SON: variants seen among roughly 807,000 people sequenced by gnomAD.
The protein encoded by SON is SON DNA and RNA binding protein.
Under a neutral mutation model 173.3 loss-of-function variants are expected in SON, and 4 were observed. The observed-to-expected ratio is 0.02, with a 90% CI of 0.01 to 0.05. The LOEUF is 0.05. Among genes scored for constraint, SON ranks in the 10% least tolerant of loss-of-function variants. The pLI is 1.00. For missense variants in SON, 2,626 were observed against 3,055.3 expected (o/e 0.86, Z 3.31); for synonymous variants, 1,190 against 1,105.9 (o/e 1.08, Z -1.51).
At position 33,553,181 on chromosome 21, in the gene SON, C is replaced by T. The variant is rs1430051459; in HGVS notation, c.3950C>T (p.Ala1317Val). The change falls in exon 3 of 12, where the codon GCC (alanine) becomes GTC (valine). Residue 1317 changes from alanine to valine, a missense_variant. By Grantham distance (64) the Ala-to-Val change is moderately conservative (BLOSUM62 0). This residue lies in a region of SON where 1,006 missense variants were observed against 895.6 expected (regional missense o/e 1.12). Coordinates refer to ENST00000356577, the MANE Select transcript of SON (RefSeq NM_138927.4). ...ETAETFDSMR[A>V]SGHVASEVST... ...GCAGAAACATTTGATTCCATGAGAG[C>T]CTCAGGACATGTTGCCTCAGAAGTA... The T allele has an allele frequency of 4.3e-6, 7 of 1,614,026 alleles. No individual in the cohort carries two copies. The highest frequency in any genetic ancestry group is 1.7e-5 in the Admixed American group (1 of 59,998).
Position 33,554,110 on chromosome 21 carries a change from G to A in SON, c.4879G>A (p.Asp1627Asn). The A allele has an allele frequency of 6.2e-7, 1 of 1,613,116 alleles. No homozygotes were observed. Among genetic ancestry groups the A allele is most frequent in the African/African-American group, 1.3e-5 (1 of 75,018 alleles). Residue 1627 changes from aspartate (D) to asparagine (N), a missense_variant, in exon 3 of 12, where the codon GAT becomes AAT. Physicochemically the swap from Asp to Asn is conservative, Grantham distance 23. Transcript: ENST00000356577. ...TACTCTCAGTTTAGTTAATAAATAT[G>A]ATGTTGATTTATCTTTAACTACTCA... ...ASTLSLVNKY[D>N]VDLSLTTQDT...
intron 4 of SON, chr21:33,558,667 C>G (rs2086012331): frequency 6.6e-6 from 1 of 152,114 alleles, no homozygotes; most frequent in Admixed American, 6.6e-5. Context: ...TTCTTCTCAC[C>G]TTTTTACCAC....
chr21:33,554,949 A>G lies in SON; in HGVS notation c.5718A>G (p.Arg1906=), dbSNP rs771447550. ...GATCCAAGTCTAGGGAAAGAAAAAG[A>G]AAAAGATCAAGCTCCAGGGATAACC... ...KHRSKSRERK[R]KRSSSRDNRK... Residue 1906 remains arginine (R), a synonymous_variant, in exon 3 of 12, where the codon AGA becomes AGG. Transcript: ENST00000356577. 1.2e-6 allele frequency: 2 copies of G among 1,614,084 alleles called. No homozygotes were observed. Among genetic ancestry groups the G allele is most frequent in the Admixed American group, 1.7e-5 (1 of 60,010 alleles).
Position 33,575,410 on chromosome 21 carries a change from A to G in SON, c.7034-186A>G, listed in dbSNP as rs181014973. ...TCATACCAAGATCTATGAATATTAA[A>G]TATAAATTTATATGCTGAAAAACAG... On this transcript the variant is annotated intron_variant, in intron 9 of 11. Transcript: ENST00000356577. The G allele has an allele frequency of 3.6e-4, 168 of 472,520 alleles. No homozygotes were observed. The Admixed American group carries it at 5.9e-3, about 17-fold the overall frequency. 29.3% of individuals were successfully genotyped at this position (472,520 alleles called of 1,614,324 possible). A position where few individuals can be genotyped will look rare whatever the true frequency, so the allele number is the denominator to read the frequency against.
At chr21:33,556,727 AAG>A (rs1387394177) in intron 3 of SON, among the ~76,000 whole-genome samples, 3 of 151,576 alleles carry the variant, frequency 2.0e-5, no homozygotes, top group East Asian at 1.9e-4. Flanking sequence ...AAAAAAAAAA[AAG>A]AGGTGGCACT....
Position 33,550,251 on chromosome 21 carries a change from A to G in SON, c.1020A>G (p.Pro340=). ...CTGCAATTGAAGCGCTAAGATTGCC[A>G]GAGCAGCCTGTAGACGTACCATCGG... is the stretch of plus-strand genomic sequence containing the variant. The part of the protein sequence containing the change: ...ESSAIEALRL[P]EQPVDVPSEI... Residue 340 remains proline (P), a synonymous_variant, in exon 3 of 12, where the codon CCA becomes CCG. Transcript: ENST00000356577. The G allele has an allele frequency of 1.2e-6, 2 of 1,614,294 alleles. No individual in the cohort carries two copies. Among genetic ancestry groups the G allele is most frequent in the Non-Finnish European group, 1.7e-6 (2 of 1,180,056 alleles).
intron 8 of SON, among the ~76,000 whole-genome samples, chr21:33,571,529 A>T (rs2086285289): frequency 6.6e-6 from 1 of 152,218 alleles, no homozygotes; most frequent in South Asian, 2.1e-4. Flanking sequence ...AATCAGTAAA[A>T]CATTTAAAGT....
intron 7 of SON, 118 bp downstream of exon 7, chr21:33,567,385 TTTACC>T (rs754964339): frequency 1.9e-5 from 12 of 643,522 alleles, no homozygotes; most frequent in Non-Finnish European, 2.9e-5. Context: ...TGTAACATCC[TTTACC>T]TTATTTTCAA....
chr21:33,569,961 G>GA (rs2086249055), intron 8 of SON: 1 of 162,068 alleles, frequency 6.2e-6, no homozygotes, highest in South Asian at 1.4e-4. Context: ...ATTCTGCAGT[G>GA]AGACCTGTGA....
At chr21:33,569,585 C>G (rs916157918) in intron 8 of SON, 1 of 463,088 alleles carries the variant, frequency 2.2e-6, no homozygotes, top group Non-Finnish European at 4.5e-6. Context: ...GTGCCTGTGC[C>G]TTCTTGTAAG....
rs777141047 is a variant in SON at position 33,550,889 on chromosome 21, T to C, written c.1658T>C (p.Val553Ala). ...GTGCTGGAGTTGCCAGGACAGCCAGTGGCAACGACAGCGCTGGAGTTGCCG... is the reference window on the plus strand; with the variant it reads ...GTGCTGGAGTTGCCAGGACAGCCAGCGGCAACGACAGCGCTGGAGTTGCCG... ...TMVLELPGQP[V>A]ATTALELPGQ... Residue 553 changes from valine to alanine, a missense_variant, in exon 3 of 12, where the codon GTG becomes GCG. Coordinates refer to ENST00000356577, the MANE Select transcript of SON (RefSeq NM_138927.4). The C allele has an allele frequency of 8.1e-6, 13 of 1,609,828 alleles. No homozygotes were observed. Among genetic ancestry groups the C allele is most frequent in the Non-Finnish European group, 1.1e-5 (13 of 1,177,272 alleles).
chr21:33,543,431 C>T (rs999197936), intron 1 of SON: 11 of 515,986 alleles, frequency 2.1e-5, no homozygotes, highest in African/African-American at 1.7e-4. Context: ...ACCCTTCTCC[C>T]CTGTTTGGGT....
At chr21:33,574,529 G>A (rs1470435153) in intron 9 of SON, among the ~76,000 whole-genome samples, 1 of 152,178 alleles carries the variant, frequency 6.6e-6, no homozygotes, top group Admixed American at 6.5e-5. Context: ...GTAACATACA[G>A]GATGAGCATC....
At position 33,550,230 on chromosome 21, in the gene SON, A is replaced by G. The variant is rs974301244; in HGVS notation, c.999A>G (p.Ala333=). 9 of 1,614,134 alleles carry G rather than the reference A, an allele frequency of 5.6e-6. No homozygotes were observed. In the African/African-American group the frequency reaches 9.3e-5, roughly 17 times the overall value. ...STTMDFPESS[A]IEALRLPEQP... is the part of the protein sequence containing the mutation. ...CAATGGATTTTCCAGAGTCATCTGCAATTGAAGCGCTAAGATTGCCAGAGC... is the reference window on the plus strand; with the variant it reads ...CAATGGATTTTCCAGAGTCATCTGCGATTGAAGCGCTAAGATTGCCAGAGC... Residue 333 remains alanine (A), a synonymous_variant, in exon 3 of 12, where the codon GCA becomes GCG. Transcript: ENST00000356577.
chr21:33,575,396 TC>T (rs1232967314), intron 9 of SON, 199 bp from the exon 10 acceptor site: 1 of 459,704 alleles, frequency 2.2e-6, no homozygotes, highest in African/African-American at 2.0e-5. Context: ...CATACCAAGA[TC>T]TATGAATATT....
chr21:33,567,401 T>C (rs1445214459), intron 7 of SON, 134 bp downstream of exon 7: 3 of 618,328 alleles, frequency 4.9e-6, no homozygotes, highest in African/African-American at 1.8e-5. Context: ...TTATTTTCAA[T>C]GTCTTATTTT....
At position 33,559,553 on chromosome 21, in the gene SON, T is replaced by TTGAG. The variant is rs1264585024; in HGVS notation, c.6469-33_6469-30dup. ...CAAACCATTTAATGTAGATATCATA[T>TTGAG]TGAGCTTTAATTAAGAAACACTTTA... On this transcript the variant is annotated intron_variant, in intron 5 of 11. Transcript: ENST00000356577. The surrounding 1 kb of genome is among the most constrained non-coding windows in gnomAD (Gnocchi z 4.1). 25 of 1,577,730 alleles carry TTGAG rather than the reference T, an allele frequency of 1.6e-5. No individual in the cohort carries two copies. The highest frequency in any genetic ancestry group is 1.5e-4 in the Admixed American group (8 of 53,932).
chr21:33,574,427 G>A (rs1203236500), intron 9 of SON, among the ~76,000 whole-genome samples: 3 of 152,172 alleles, frequency 2.0e-5, no homozygotes, highest in Admixed American at 6.5e-5. Context: ...TGGCCTGACT[G>A]TAAGCTCTCA....
intron 6 of SON, chr21:33,560,173 C>T (rs2086044946): frequency 5.1e-6 from 8 of 1,579,524 alleles, no homozygotes; most frequent in Non-Finnish European, 6.0e-6. Context: ...AGGGCAGATC[C>T]TCAGGTTCAA....
Sources: gnomAD v4.1 joint callset for allele counts (sites outside exome capture counted in the v4.1 genomes callset) on GRCh38, gnomAD v4.1.1 for gene constraint, gnomAD v4.1.1 regional missense constraint, Gnocchi (gnomAD v3.1) non-coding constraint, MANE v1.5 for transcripts, NCBI Gene and HGNC (gene_info 2026-07-23, HGNC 2026-07-21) for gene names.